VPS54: variants seen among roughly 807,000 people sequenced by gnomAD.
VPS54 encodes the protein vacuolar protein sorting-associated protein 54.
A neutral mutation model predicts 121.5 loss-of-function variants in VPS54; 45 were observed. The observed-to-expected ratio is 0.37, with a 90% CI of 0.29 to 0.47. The LOEUF (loss-of-function observed/expected upper bound fraction) is 0.47, where lower values mean the gene tolerates loss of function less well. VPS54 is among the 20% of genes least tolerant of loss of function. VPS54 has a pLI of 0.99. For missense variants in VPS54, 1,090 were observed against 1,131.4 expected (o/e 0.96, Z 0.52); for synonymous variants, 371 against 385.8 (o/e 0.96, Z 0.45).
In VPS54 at chr2:63,981,828, C is replaced by T. The variant is rs200298618; in HGVS notation, c.196G>A (p.Val66Ile). The T allele has an allele frequency of 2.5e-6, 4 of 1,613,632 alleles. No homozygotes were observed. The highest frequency in any genetic ancestry group is 1.7e-5 in the Admixed American group (1 of 60,012). Reference sequence around the variant, plus strand: ...GGGAGATTTACTTTGGAATGATATACAGTCCATCTATGTTGATCTGTAACT... The same window carrying T: ...GGGAGATTTACTTTGGAATGATATATAGTCCATCTATGTTGATCTGTAACT... ...SLVTDQHRWT[V>I]YHSKVNLPAA... The change falls in exon 3 of 23, where the codon GTA (valine) becomes ATA (isoleucine). Residue 66 changes from valine to isoleucine, a missense_variant. Val to Ile is a conservative substitution (Grantham distance 29). Coordinates refer to ENST00000272322, the MANE Select transcript of VPS54 (RefSeq NM_016516.3).
chr2:63,942,276 T>C (rs1372450151), intron 11 of VPS54, among the ~76,000 whole-genome samples, 189 bp downstream of exon 11: 1 of 152,068 alleles, frequency 6.6e-6, no homozygotes, highest in African/African-American at 2.4e-5. Context: ...AATTATAACT[T>C]ATTAAATTCT....
At chr2:63,981,321 T>C (rs1676790171) in intron 3 of VPS54, among the ~76,000 whole-genome samples, 2 of 152,138 alleles carry the variant, frequency 1.3e-5, no homozygotes, top group South Asian at 4.1e-4. Context: ...ACAGTAATAT[T>C]CTGCCAATTT....
intron 8 of VPS54, among the ~76,000 whole-genome samples, chr2:63,948,414 G>GTTTTTTTTTTTTTT (rs560700373): frequency 9.4e-6 from 1 of 106,132 alleles, no homozygotes; most frequent in Admixed American, 1.0e-4. Flanking sequence ...CACTTTTTCG[G>GTTTTTTTTTTTTTT]TTTTTTTTTT....
chr2:63,930,669 T>A (rs969773435), intron 12 of VPS54, among the ~76,000 whole-genome samples: 8 of 152,092 alleles, frequency 5.3e-5, no homozygotes, highest in African/African-American at 1.7e-4. Flanking sequence ...GCCAGGGCAA[T>A]CAGGCAAGAG....
At chr2:63,914,814 T>C (rs1673304513) in intron 16 of VPS54, among the ~76,000 whole-genome samples, 1 of 151,774 alleles carries the variant, frequency 6.6e-6, no homozygotes, top group Non-Finnish European at 1.5e-5. Context: ...AAAACATGTC[T>C]CCTAAGAATT....
intron 12 of VPS54, among the ~76,000 whole-genome samples, chr2:63,926,400 G>C (rs950308878): frequency 2.6e-5 from 4 of 152,184 alleles, no homozygotes; most frequent in Non-Finnish European, 5.9e-5. Context: ...ATAGCTCAGG[G>C]TTTGGTTTGT....
At chr2:63,964,815 A>G (rs1047977181) in intron 6 of VPS54, among the ~76,000 whole-genome samples, 2 of 152,206 alleles carry the variant, frequency 1.3e-5, no homozygotes, top group Non-Finnish European at 2.9e-5. Flanking sequence ...GGATATCACT[A>G]AAGTAAAACA....
At chr2:63,921,413 G>T in intron 12 of VPS54, 78 bp from the exon 13 acceptor site, 2 of 1,456,088 alleles carry the variant, frequency 1.4e-6, no homozygotes, top group South Asian at 2.9e-5. Flanking sequence ...TCAATAAAAA[G>T]GATGAAAAAG....
chr2:63,947,045 T>G (rs1437804502), intron 9 of VPS54, among the ~76,000 whole-genome samples: 1 of 151,846 alleles, frequency 6.6e-6, no homozygotes, highest in African/African-American at 2.4e-5. Flanking sequence ...AGATTTAACA[T>G]AATGTTAATG....
chr2:63,920,204 T>C (rs1168289755), intron 14 of VPS54, among the ~76,000 whole-genome samples: 5 of 152,118 alleles, frequency 3.3e-5, no homozygotes, highest in Admixed American at 3.3e-4. Context: ...TACTTAACTT[T>C]GAGTGGGAAC....
At chr2:63,965,431 G>A (rs907510552) in intron 6 of VPS54, among the ~76,000 whole-genome samples, 11 of 152,036 alleles carry the variant, frequency 7.2e-5, no homozygotes, top group Non-Finnish European at 1.0e-4. Context: ...AGTGGAGATC[G>A]TGCCACTGCA....
chr2:63,966,690 A>T (rs958955884), intron 5 of VPS54, among the ~76,000 whole-genome samples: 3 of 152,176 alleles, frequency 2.0e-5, no homozygotes, highest in Non-Finnish European at 4.4e-5. Flanking sequence ...GATTCCCATG[A>T]CCCACAGACC....
At chr2:63,922,940 A>G (rs190315353) in intron 12 of VPS54, among the ~76,000 whole-genome samples, 1 of 152,354 alleles carries the variant, frequency 6.6e-6, no homozygotes, top group Non-Finnish European at 1.5e-5. Context: ...CCTTAAAAAA[A>G]AAAAAAGAGT....
chr2:64,009,168 T>G (rs1418386155), intron 1 of VPS54, among the ~76,000 whole-genome samples: 1 of 152,230 alleles, frequency 6.6e-6, no homozygotes, highest in Non-Finnish European at 1.5e-5. Flanking sequence ...TTTGTCTCCT[T>G]ATCAGATCAA....
intron 1 of VPS54, among the ~76,000 whole-genome samples, chr2:63,986,979 C>G (rs1439970200): frequency 6.6e-6 from 1 of 152,194 alleles, no homozygotes; most frequent in African/African-American, 2.4e-5. Context: ...AATCCCTTGT[C>G]AGATGGGTAG....
At chr2:63,988,535 A>G (rs1362783045) in intron 1 of VPS54, among the ~76,000 whole-genome samples, 2 of 152,186 alleles carry the variant, frequency 1.3e-5, no homozygotes, top group African/African-American at 4.8e-5. Context: ...GACATTTGTT[A>G]GTTCTCCAAA....
chr2:63,962,804 C>T (rs1314288700), intron 6 of VPS54, among the ~76,000 whole-genome samples: 2 of 152,178 alleles, frequency 1.3e-5, no homozygotes, highest in Non-Finnish European at 1.5e-5. Context: ...TCTCCTTAGC[C>T]CCCAATATCA....
chr2:63,948,869 G>A (rs1675111496), intron 8 of VPS54, among the ~76,000 whole-genome samples, 168 bp downstream of exon 8: 1 of 152,136 alleles, frequency 6.6e-6, no homozygotes, highest in Non-Finnish European at 1.5e-5. Context: ...ATAGGATAGT[G>A]AACAATCATG....
chr2:64,013,886 C>A (rs994875518), intron 1 of VPS54, among the ~76,000 whole-genome samples: 2 of 151,476 alleles, frequency 1.3e-5, no homozygotes, highest in African/African-American at 2.4e-5. Flanking sequence ...AGAAAGGTGA[C>A]CAGTTAACAA....
Sources: allele counts gnomAD v4.1 joint callset (sites outside exome capture counted in the v4.1 genomes callset), GRCh38; gene constraint gnomAD v4.1.1; transcripts MANE v1.5; gene names NCBI Gene and HGNC (gene_info 2026-07-23, HGNC 2026-07-21).